The following GLIS1 variants were observed in gnomAD, a reference collection of about 807,000 sequenced individuals.
GLIS1 encodes the protein zinc finger protein GLIS1.
Under a neutral mutation model 63.8 loss-of-function variants are expected in GLIS1, and 24 were observed. That is an observed-to-expected ratio of 0.38 (90% CI 0.27 to 0.53). The LOEUF (loss-of-function observed/expected upper bound fraction) is 0.53, where lower values mean the gene tolerates loss of function less well. GLIS1 is among the 20% of genes least tolerant of loss of function. The pLI is 0.85. For missense variants in GLIS1, 1,036 were observed against 1,074.1 expected (o/e 0.96, Z 0.50); for synonymous variants, 450 against 482.5 (o/e 0.93, Z 0.88).
chr1:53,600,393 C>T (rs1461806211), intron 2 of GLIS1, 115 bp from the exon 3 acceptor site: 1 of 490,242 alleles, frequency 2.0e-6, no homozygotes, highest in Admixed American at 4.4e-5. Context: ...CCAGAGCCAA[C>T]ACTCACTGCA....
intron 2 of GLIS1, among the ~76,000 whole-genome samples, chr1:53,615,050 C>T (rs1292820872): frequency 6.6e-6 from 1 of 151,922 alleles, no homozygotes; most frequent in Non-Finnish European, 1.5e-5. Context: ...AAACAAAATC[C>T]TTGAGAATAA....
intron 2 of GLIS1, among the ~76,000 whole-genome samples, chr1:53,666,906 CT>C (rs1425781791): frequency 2.0e-5 from 3 of 152,212 alleles, no homozygotes; most frequent in African/African-American, 7.2e-5. Flanking sequence ...AGGGACCAGC[CT>C]TCTTCCAAGA....
chr1:53,568,373 T>C (rs1253094297), intron 4 of GLIS1, among the ~76,000 whole-genome samples: 1 of 152,242 alleles, frequency 6.6e-6, no homozygotes, highest in Non-Finnish European at 1.5e-5. Context: ...AACTTATTTT[T>C]TATTTAACAG....
chr1:53,575,698 G>A (rs1451078833), intron 4 of GLIS1, among the ~76,000 whole-genome samples: 2 of 152,214 alleles, frequency 1.3e-5, no homozygotes, highest in Non-Finnish European at 2.9e-5. Flanking sequence ...CATGGAGCAG[G>A]TGCTTGGTGA....
chr1:53,537,462 G>A (rs1644592462), intron 4 of GLIS1, among the ~76,000 whole-genome samples: 1 of 152,234 alleles, frequency 6.6e-6, no homozygotes, highest in African/African-American at 2.4e-5. Flanking sequence ...CCAAAGTGCT[G>A]CAAATCAAGT....
At chr1:53,601,428 C>T (rs1645316793) in intron 2 of GLIS1, among the ~76,000 whole-genome samples, 1 of 152,174 alleles carries the variant, frequency 6.6e-6, no homozygotes, top group Admixed American at 6.5e-5. Flanking sequence ...TATGGCCAAC[C>T]CTGAGAAAGA....
At chr1:53,641,569 GA>G (rs1645787432) in intron 2 of GLIS1, among the ~76,000 whole-genome samples, 1 of 152,156 alleles carries the variant, frequency 6.6e-6, no homozygotes, top group African/African-American at 2.4e-5. Flanking sequence ...CTCATCACCT[GA>G]AAAATGTGGG....
At chr1:53,636,905 C>T (rs1429137345) in intron 2 of GLIS1, among the ~76,000 whole-genome samples, 1 of 152,236 alleles carries the variant, frequency 6.6e-6, no homozygotes, top group African/African-American at 2.4e-5. Context: ...GCTGCAGTGT[C>T]CCTACCTCAG....
intron 2 of GLIS1, among the ~76,000 whole-genome samples, chr1:53,632,893 GTGAA>G (rs1235861841): frequency 2.0e-5 from 3 of 150,750 alleles, no homozygotes; most frequent in South Asian, 2.1e-4. Flanking sequence ...TGAGGGGCGT[GTGAA>G]TGAATGTGAA....
chr1:53,643,878 T>G (rs1645814247), intron 2 of GLIS1, among the ~76,000 whole-genome samples: 1 of 151,856 alleles, frequency 6.6e-6, no homozygotes, highest in African/African-American at 2.4e-5. Context: ...GGGTACAGAG[T>G]GTAATCCCCA....
chr1:53,688,963 C>A (rs1646372199), intron 2 of GLIS1, among the ~76,000 whole-genome samples: 1 of 152,200 alleles, frequency 6.6e-6, no homozygotes, highest in African/African-American at 2.4e-5. Context: ...CTGGGCCAGG[C>A]ATGGCTGGGG....
intron 2 of GLIS1, among the ~76,000 whole-genome samples, chr1:53,682,787 G>T (rs1010488684): frequency 6.6e-6 from 1 of 152,214 alleles, no homozygotes; most frequent in African/African-American, 2.4e-5. Context: ...AGACAACCCT[G>T]CCATTTTACC....
At chr1:53,544,068 C>A (rs1001161415) in intron 4 of GLIS1, among the ~76,000 whole-genome samples, 3 of 152,160 alleles carry the variant, frequency 2.0e-5, no homozygotes, top group Non-Finnish European at 4.4e-5. Flanking sequence ...AGAGCTGCGC[C>A]ACCCGACTCA....
intron 2 of GLIS1, among the ~76,000 whole-genome samples, chr1:53,623,350 G>A (rs1448486923): frequency 6.6e-6 from 1 of 152,066 alleles, no homozygotes; most frequent in Non-Finnish European, 1.5e-5. Flanking sequence ...ACCCACTGAT[G>A]ATTAAAATTC....
intron 4 of GLIS1, among the ~76,000 whole-genome samples, chr1:53,571,350 A>G (rs1489972918): frequency 6.6e-6 from 1 of 152,232 alleles, no homozygotes; most frequent in Non-Finnish European, 1.5e-5. Context: ...TACATTCCCT[A>G]AGCCAGCAAT....
rs892328078 is a variant in GLIS1, at chr1:53,737,992, G to T, written c.73C>A (p.Arg25Ser). The change falls in exon 2 of 11, where the codon CGC (arginine) becomes AGC (serine). Residue 25 changes from arginine (R) to serine (S), a missense_variant. Physicochemically the swap from Arg to Ser is moderately radical, Grantham distance 110. This residue lies in a region of GLIS1 where 592 missense variants were observed against 593.9 expected (regional missense o/e 1.00). Coordinates refer to ENST00000628545, the MANE Select transcript of GLIS1 (RefSeq NM_001367484.1). ...TGCGCGCCGAGGCTGGCGGGGCCGC[G>T]GTCGGGGCCGGGCGCACCAGGGGCC... ...KEAPGAPGPD[R>S]GPASLGAHMA... The T allele has an allele frequency of 2.4e-5, 30 of 1,230,358 alleles. No individual in the cohort carries two copies. The highest frequency in any genetic ancestry group is 4.2e-5 in the Admixed American group (1 of 23,642). The allele number at this position is 1,230,358 out of a possible 1,614,324, so 76.2% of individuals were successfully genotyped here. A position where few individuals can be genotyped will look rare whatever the true frequency, so the allele number is the denominator to read the frequency against.
At chr1:53,729,694 G>A (rs976701446) in intron 2 of GLIS1, among the ~76,000 whole-genome samples, 2 of 152,034 alleles carry the variant, frequency 1.3e-5, no homozygotes, top group African/African-American at 4.8e-5. Context: ...GAAATATCCT[G>A]TTTCATAAAC....
chr1:53,598,223 C>T lies in GLIS1; in HGVS notation c.437+1878G>A, dbSNP rs1339105710. On this transcript the variant is annotated intron_variant, in intron 3 of 10. Transcript: ENST00000628545. This position sits in a 1 kb window ranked among gnomAD's most constrained non-coding sequence, Gnocchi z 4.6. ...CTAAACAAGGTTATAAGGTTGAGGG[C>T]CTACTCTGATAGGACAGGTGTTCTT... is the stretch of plus-strand genomic sequence containing the variant. 1.3e-5 allele frequency among the ~76,000 whole-genome samples: 2 copies of T among 152,108 alleles called. No individual in the cohort carries two copies. Among genetic ancestry groups the T allele is most frequent in the African/African-American group, 4.8e-5 (2 of 41,410 alleles).
intron 2 of GLIS1, among the ~76,000 whole-genome samples, chr1:53,668,318 A>G (rs1646116461): frequency 6.6e-6 from 1 of 152,218 alleles, no homozygotes; most frequent in Non-Finnish European, 1.5e-5. Flanking sequence ...CAGTGGTCCC[A>G]TGAGATTACA....
Sources: gnomAD v4.1 joint callset for allele counts (sites outside exome capture counted in the v4.1 genomes callset) on GRCh38, gnomAD v4.1.1 for gene constraint, gnomAD v4.1.1 regional missense constraint, Gnocchi (gnomAD v3.1) non-coding constraint, MANE v1.5 for transcripts, NCBI Gene and HGNC (gene_info 2026-07-23, HGNC 2026-07-21) for gene names.